PROM1: variants seen among roughly 807,000 people sequenced by gnomAD.
PROM1 encodes the protein prominin-1.
A neutral mutation model predicts 116.9 loss-of-function variants in PROM1; 105 were observed. That is an observed-to-expected ratio of 0.90 (90% CI 0.77 to 1.06). The LOEUF (loss-of-function observed/expected upper bound fraction) is 1.06. PROM1 is among the 50% of genes least tolerant of loss of function. PROM1 has a pLI of 0.00. For synonymous variants in PROM1, 393 were observed against 387.0 expected (o/e 1.02, Z -0.18); for missense variants, 1,122 against 1,045.2 (o/e 1.07, Z -1.01).
rs199641781 is a variant in PROM1, at chr4:15,991,260, A to G, written c.1945T>C (p.Ser649Pro). 51 of 1,607,870 alleles carry G rather than the reference A, an allele frequency of 3.2e-5. No individual in the cohort carries two copies. In the African/African-American group the frequency reaches 6.6e-4, roughly 21 times the overall value. ...TTTGCTTCTAGATCATATGCAAATG[A>G]TAAAAGATTCACTCCTGCGGGGGAT... ...GKSPAGVNLL[S>P]FAYDLEAKAN... The change falls in exon 18 of 28, where the codon TCA becomes CCA. Residue 649 changes from serine (S) to proline (P), a missense_variant. Ser to Pro is a moderately conservative substitution (Grantham distance 74, BLOSUM62 -1). Transcript: ENST00000447510.
chr4:15,996,720 C>T (rs1214779591), intron 15 of PROM1, among the ~76,000 whole-genome samples: 1 of 152,110 alleles, frequency 6.6e-6, no homozygotes, highest in Admixed American at 6.6e-5. Flanking sequence ...TAAGAAGTCT[C>T]TTGAATATCA....
chr4:15,998,110 A>AT (rs1473994475), intron 15 of PROM1, among the ~76,000 whole-genome samples: 1 of 152,226 alleles, frequency 6.6e-6, no homozygotes, highest in Admixed American at 6.5e-5. Context: ...ATGGGGTCCC[A>AT]TTAGTGCATC....
Position 16,075,939 on chromosome 4 carries a change from C to G in PROM1, c.-33G>C, listed in dbSNP as rs766191925. 6.4e-7 allele frequency: 1 copy of G among 1,561,790 alleles called. No individual in the cohort carries two copies. The highest frequency in any genetic ancestry group is 1.4e-5 in the African/African-American group (1 of 73,632). On this transcript the variant is annotated 5_prime_UTR_variant, in exon 2 of 28. Transcript: ENST00000447510. The stretch of plus-strand genomic sequence containing the variant: ...AAGATCCTCCAAACATGAGGTAGAA[C>G]TTGGTGCCTCCTGCCTCAGAGCTTC...
intron 10 of PROM1, among the ~76,000 whole-genome samples, chr4:16,015,285 G>T (rs1267423513): frequency 1.5e-5 from 2 of 134,602 alleles, no homozygotes; most frequent in Non-Finnish European, 3.1e-5. Flanking sequence ...GGCAGAGGTT[G>T]CAGTGACCTA....
chr4:16,056,381 C>T (rs2149490439), intron 2 of PROM1, among the ~76,000 whole-genome samples: 1 of 152,192 alleles, frequency 6.6e-6, no homozygotes, highest in South Asian at 2.1e-4. Context: ...AAGAGTGTAT[C>T]CGCTCTTGCA....
Position 15,994,088 on chromosome 4 carries a change from A to C in PROM1, c.1683-17T>G, listed in dbSNP as rs774942133. 4 of 1,613,618 alleles carry C rather than the reference A, an allele frequency of 2.5e-6. No individual in the cohort carries two copies. The highest frequency in any genetic ancestry group is 3.4e-6 in the Non-Finnish European group (4 of 1,179,778). ...TTGCAGTCACTGTGGGAATGAACAG[A>C]GAAATTAGGACCTAGAAAAGCTGTT... On this transcript the variant is annotated splice_polypyrimidine_tract_variant and intron_variant, in intron 15 of 27. Coordinates refer to ENST00000447510, the MANE Select transcript of PROM1 (RefSeq NM_006017.3).
chr4:16,003,160 T>C (rs2149206523), intron 13 of PROM1: 1 of 385,582 alleles, frequency 2.6e-6, no homozygotes, highest in Non-Finnish European at 5.3e-6. Flanking sequence ...GTCAACAAAT[T>C]AGGACTGTCA....
intron 10 of PROM1, among the ~76,000 whole-genome samples, chr4:16,014,522 A>C (rs1411083659): frequency 6.6e-6 from 1 of 152,240 alleles, no homozygotes; most frequent in Admixed American, 6.5e-5. Flanking sequence ...GTCGGTAAGT[A>C]AGTGTCTGGT....
At chr4:16,046,420 G>A (rs528800182) in intron 2 of PROM1, among the ~76,000 whole-genome samples, 2 of 152,254 alleles carry the variant, frequency 1.3e-5, no homozygotes, top group African/African-American at 4.8e-5. Context: ...ATGAAAATTT[G>A]TCTTCTTTAG....
intron 2 of PROM1, among the ~76,000 whole-genome samples, chr4:16,066,972 T>C (rs1022107533): frequency 2.6e-5 from 4 of 152,194 alleles, no homozygotes; most frequent in African/African-American, 7.2e-5. Context: ...GGCTAGATAA[T>C]AGGCTAAAAG....
At chr4:16,028,940 TAC>T (rs1266501175) in intron 5 of PROM1, among the ~76,000 whole-genome samples, 1 of 152,230 alleles carries the variant, frequency 6.6e-6, no homozygotes, top group Non-Finnish European at 1.5e-5. Flanking sequence ...ACAAGCTTTT[TAC>T]AGAGTAAGGC....
intron 2 of PROM1, among the ~76,000 whole-genome samples, chr4:16,068,267 C>T (rs1480826614): frequency 6.6e-6 from 1 of 152,168 alleles, no homozygotes; most frequent in Non-Finnish European, 1.5e-5. Context: ...CTGTACTAGG[C>T]CCCAACAGAG....
chr4:15,970,860 A>G (rs933563175), intron 27 of PROM1, among the ~76,000 whole-genome samples, 183 bp downstream of exon 27: 11 of 152,178 alleles, frequency 7.2e-5, no homozygotes, highest in African/African-American at 2.4e-4. Context: ...GGTTGAATCA[A>G]TCGGTGGATG....
chr4:16,083,642 G>C (rs1003487539), intron 1 of PROM1: 1 of 153,282 alleles, frequency 6.5e-6, no homozygotes, highest in African/African-American at 2.4e-5. Context: ...CTCTCGCTCC[G>C]GGATGAGGAC....
At chr4:16,031,342 G>A (rs1339120291) in intron 5 of PROM1, among the ~76,000 whole-genome samples, 1 of 152,066 alleles carries the variant, frequency 6.6e-6, no homozygotes, top group African/African-American at 2.4e-5. Flanking sequence ...TAAGTTTCAG[G>A]CTTACAGGAA....
In PROM1 at chr4:16,038,957, C is replaced by T; in HGVS notation, c.265G>A (p.Asp89Asn). The T allele has an allele frequency of 6.7e-7, 1 of 1,489,144 alleles. No individual in the cohort carries two copies. The highest frequency in any genetic ancestry group is 8.9e-7 in the Non-Finnish European group (1 of 1,117,654). The allele number at this position is 1,489,144 out of a possible 1,614,324, so 92.2% of individuals were successfully genotyped here. A position where few individuals can be genotyped will look rare whatever the true frequency, so the allele number is the denominator to read the frequency against. The change falls in exon 3 of 28, where the codon GAT becomes AAT. Residue 89 changes from aspartate (D) to asparagine (N), a missense_variant. By Grantham distance (23) the Asp-to-Asn change is conservative. Coordinates refer to ENST00000447510, the MANE Select transcript of PROM1 (RefSeq NM_006017.3). ...FLQKAYESKI[D>N]YDKPETVILG... ...CAATGAAAAATTACCTTGTCATAAT[C>T]AATTTTGGATTCATATGCCTTCTGT...
At position 15,999,262 on chromosome 4, in the gene PROM1, G is replaced by C. The variant is rs6850518; in HGVS notation, c.1579-774C>G. ...CAAGGTGGGCAGATCACGAGGTCAGGAGATCGAGACCATCCTGGCTAACGT... is the reference window on the plus strand; with the variant it reads ...CAAGGTGGGCAGATCACGAGGTCAGCAGATCGAGACCATCCTGGCTAACGT... On this transcript the variant is annotated intron_variant, in intron 14 of 27. Transcript: ENST00000447510. Among the ~76,000 whole-genome samples, 1,036 of 152,050 alleles carry C rather than the reference G, an allele frequency of 6.8e-3. 6 individuals carry two copies. Among genetic ancestry groups the C allele is most frequent in the Non-Finnish European group, 0.012 (791 of 67,984 alleles).
chr4:16,030,972 G>A (rs1464312724), intron 5 of PROM1, among the ~76,000 whole-genome samples: 1 of 152,140 alleles, frequency 6.6e-6, no homozygotes, highest in East Asian at 1.9e-4. Context: ...CTTGAACCCG[G>A]GAGGCGGAGG....
At chr4:15,973,923 G>A (rs930139312) in intron 26 of PROM1, among the ~76,000 whole-genome samples, 4 of 152,140 alleles carry the variant, frequency 2.6e-5, no homozygotes, top group African/African-American at 7.2e-5. Flanking sequence ...TGGGGACTGC[G>A]CAGGATGAGG....
Sources: allele counts gnomAD v4.1 joint callset (sites outside exome capture counted in the v4.1 genomes callset), GRCh38; gene constraint gnomAD v4.1.1; transcripts MANE v1.5; gene names NCBI Gene and HGNC (gene_info 2026-07-23, HGNC 2026-07-21).